Variants in MUC5B observed in about 807,000 individuals in gnomAD.
MUC5B encodes mucin-5B.
Under a neutral mutation model 376.9 loss-of-function variants are expected in MUC5B, and 116 were observed. The ratio of observed to expected loss-of-function variants is 0.31; its 90% CI spans 0.26 to 0.36. The LOEUF (loss-of-function observed/expected upper bound fraction) is 0.36, where lower values mean the gene tolerates loss of function less well. Ranked by LOEUF, MUC5B falls within the 10% of genes least tolerant of loss-of-function variation. MUC5B has a pLI of 1.00. For synonymous variants in MUC5B, 3,517 were observed against 3,390.9 expected (o/e 1.04, Z -1.29); for missense variants, 7,165 against 7,769.9 (o/e 0.92, Z 2.93).
chr11:1,247,455 A>T lies in MUC5B; in HGVS notation c.10575A>T (p.Pro3525=), dbSNP rs1249127444. 3 of 1,607,822 alleles carry T rather than the reference A, an allele frequency of 1.9e-6. No individual in the cohort carries two copies. The South Asian group carries it at 3.3e-5, about 18-fold the overall frequency. The change falls in exon 31 of 49, where the codon CCA becomes CCT. Residue 3525 remains proline (P), a synonymous_variant. Coordinates refer to ENST00000529681, the MANE Select transcript of MUC5B (RefSeq NM_002458.3). The part of the protein sequence containing the change: ...SSRTTESPPS[P]GTTTPGHTRG... ...GGACCACCGAGTCACCCCCTTCTCC[A>T]GGGACGACCACCCCGGGCCACACCA...
chr11:1,236,573 G>T lies in MUC5B; in HGVS notation c.3057+11G>T, dbSNP rs1010131545. On this transcript the variant is annotated intron_variant, in intron 24 of 48. Transcript: ENST00000529681. ...CACCAGGACTACAAGGTGAGCTCGG[G>T]CCGTGCACTCCTAGGCCCTGCAGGA... is the stretch of plus-strand genomic sequence containing the variant. 6.2e-7 allele frequency: 1 copy of T among 1,611,444 alleles called. No homozygotes were observed. The highest frequency in any genetic ancestry group is 1.7e-4 in the Middle Eastern group (1 of 6,044).
In MUC5B at chr11:1,230,020, G is replaced by T; in HGVS notation, c.1236G>T (p.Gly412=). 6.2e-7 allele frequency: 1 copy of T among 1,603,218 alleles called. No individual in the cohort carries two copies. The highest frequency in any genetic ancestry group is 1.7e-5 in the Admixed American group (1 of 58,990). ...CCCTCCCCAGCACCTGCTCCGGGGG[G>T]CTATGGCAGTGCCAGGACCTGCCGT... ...TTCSSCTCSG[G]LWQCQDLPCP... is the part of the protein sequence containing the mutation. Residue 412 remains glycine, a synonymous_variant, in exon 11 of 49, where the codon GGG becomes GGT. Coordinates refer to ENST00000529681, the MANE Select transcript of MUC5B (RefSeq NM_002458.3).
rs1330646600 is a variant in MUC5B at position 1,242,398 on chromosome 11, A to T, written c.5518A>T (p.Ile1840Phe). The T allele has an allele frequency of 1.2e-6, 2 of 1,613,888 alleles. No homozygotes were observed. The highest frequency in any genetic ancestry group is 3.3e-5 in the Admixed American group (2 of 60,014). The change falls in exon 31 of 49, where the codon ATC becomes TTC. Residue 1840 changes from isoleucine (I) to phenylalanine (F), a missense_variant. Around this residue, in one of 31 missense-constraint regions of MUC5B, gnomAD observed 897 missense variants for 779.6 expected, o/e 1.15. Coordinates refer to ENST00000529681, the MANE Select transcript of MUC5B (RefSeq NM_002458.3). ...CRAENYPEVS[I>F]DQVGQVLTCS... The stretch of plus-strand genomic sequence containing the variant: ...GGCGGAGAACTACCCCGAGGTAAGC[A>T]TCGACCAGGTCGGGCAGGTGCTGAC...
intron 39 of MUC5B, 124 bp downstream of exon 39, chr11:1,256,895 T>G (rs1331600552): frequency 1.3e-6 from 1 of 747,404 alleles, no homozygotes; most frequent in African/African-American, 1.8e-5. Context: ...CGTGACCTGT[T>G]CTGCCCCACC....
Position 1,248,582 on chromosome 11 carries a change from G to A in MUC5B, c.11702G>A (p.Gly3901Asp), listed in dbSNP as rs775291501. ...ISTTTTPTTSGSTVTPSSVPG... is the reference protein window; with the variant it reads ...ISTTTTPTTSDSTVTPSSVPG... ...ACAACCACCACACCCACAACCAGTG[G>A]CTCCACGGTGACCCCCTCCTCCGTC... Residue 3901 changes from glycine (G) to aspartate (D), a missense_variant, in exon 31 of 49, where the codon GGC becomes GAC. Gly to Asp is a moderately conservative substitution (Grantham distance 94). Coordinates refer to ENST00000529681, the MANE Select transcript of MUC5B (RefSeq NM_002458.3). 1.2e-6 allele frequency: 2 copies of A among 1,612,790 alleles called. No individual in the cohort carries two copies. The highest frequency in any genetic ancestry group is 1.7e-6 in the Non-Finnish European group (2 of 1,179,382).
At position 1,253,534 on chromosome 11, in the gene MUC5B, C is replaced by T. The variant is rs377066128; in HGVS notation, c.15217+554C>T. On this transcript the variant is annotated intron_variant, in intron 33 of 48. Coordinates refer to ENST00000529681, the MANE Select transcript of MUC5B (RefSeq NM_002458.3). This position sits in a 1 kb window ranked among gnomAD's most constrained non-coding sequence, Gnocchi z 4.3. Reference sequence around the variant, plus strand: ...ATGTCCTTGGCCCAGGGCTGCTGTTCCAAACCGCCACAAGCTGGGGAGCTT... The same window carrying T: ...ATGTCCTTGGCCCAGGGCTGCTGTTTCAAACCGCCACAAGCTGGGGAGCTT... Among the ~76,000 whole-genome samples the T allele has an allele frequency of 8.5e-5, 13 of 152,314 alleles. 1 individual carries two copies. Among genetic ancestry groups the T allele is most frequent in the Admixed American group, 7.2e-4 (11 of 15,312 alleles).
At chr11:1,252,611 C>A (rs139403034) in intron 32 of MUC5B, 87 bp downstream of exon 32, 3 of 1,409,570 alleles carry the variant, frequency 2.1e-6, no homozygotes, top group Non-Finnish European at 2.8e-6. Flanking sequence ...GCTCCCGAGG[C>A]CCGTCTCAGT....
intron 1 of MUC5B, among the ~76,000 whole-genome samples, chr11:1,224,470 G>A (rs184579431): frequency 1.4e-3 from 203 of 150,150 alleles, no homozygotes; most frequent in African/African-American, 4.6e-3. Context: ...GGCTGCCTGG[G>A]GGGGAGGGGT....
chr11:1,234,383 G>A lies in MUC5B; in HGVS notation c.2478+78G>A. Reference sequence around the variant, plus strand: ...CAGCTCCCGAGCCCAGGGATCTGGTGGTCCTGGAGACACTTACCCACCTGG... The same window carrying A: ...CAGCTCCCGAGCCCAGGGATCTGGTAGTCCTGGAGACACTTACCCACCTGG... On this transcript the variant is annotated intron_variant, in intron 20 of 48. Coordinates refer to ENST00000529681, the MANE Select transcript of MUC5B (RefSeq NM_002458.3). The surrounding 1 kb of genome is among the most constrained non-coding windows in gnomAD (Gnocchi z 6.3). The A allele has an allele frequency of 6.7e-7, 1 of 1,503,570 alleles. No homozygotes were observed. Among genetic ancestry groups the A allele is most frequent in the South Asian group, 1.2e-5 (1 of 82,160 alleles). The allele number at this position is 1,503,570 out of a possible 1,614,324, so 93.1% of individuals were successfully genotyped here. A position where few individuals can be genotyped will look rare whatever the true frequency, so the allele number is the denominator to read the frequency against.
At position 1,253,888 on chromosome 11, in the gene MUC5B, T is replaced by A. The variant is rs1862765327; in HGVS notation, c.15218-204T>A. Among the ~76,000 whole-genome samples, 1 of 152,224 alleles carries A rather than the reference T, an allele frequency of 6.6e-6. No homozygotes were observed. Among genetic ancestry groups the A allele is most frequent in the African/African-American group, 2.4e-5 (1 of 41,466 alleles). ...GACACTTTCTCCCGGCAAAGCCACA[T>A]GCGGAGGTTCTGGGATAGCCATAGA... On this transcript the variant is annotated intron_variant, in intron 33 of 48. Transcript: ENST00000529681. This position sits in a 1 kb window ranked among gnomAD's most constrained non-coding sequence, Gnocchi z 4.3.
chr11:1,255,331 A>G, intron 36 of MUC5B, 52 bp from the exon 37 acceptor site: 1 of 1,376,692 alleles, frequency 7.3e-7, no homozygotes, highest in Non-Finnish European at 9.8e-7. Context: ...GCACGCACGC[A>G]CGCAGCTCCC....
intron 18 of MUC5B, among the ~76,000 whole-genome samples, chr11:1,233,521 G>T (rs1157094021): frequency 3.3e-5 from 5 of 152,202 alleles, no homozygotes; most frequent in Non-Finnish European, 7.3e-5. Context: ...CCCCTGCCAG[G>T]AAAGGTGGGT....
chr11:1,251,803 C>T, intron 31 of MUC5B, 60 bp downstream of exon 31: 1 of 1,234,104 alleles, frequency 8.1e-7, no homozygotes, highest in Non-Finnish European at 1.1e-6. Flanking sequence ...CAACCTGGGT[C>T]TGCCTGTCCT....
chr11:1,259,431 T>A, intron 44 of MUC5B: 1 of 500,932 alleles, frequency 2.0e-6, no homozygotes, highest in Non-Finnish European at 3.6e-6. Context: ...CAGCCATTGC[T>A]GGGGTCTTGT....
intron 1 of MUC5B, among the ~76,000 whole-genome samples, chr11:1,224,887 CAG>C (rs1861847229): frequency 6.6e-6 from 1 of 152,254 alleles, no homozygotes; most frequent in Non-Finnish European, 1.5e-5. Context: ...CACCTCCCCA[CAG>C]AGAGTCTCAG....
Position 1,241,956 on chromosome 11 carries a change from C to A in MUC5B, c.5076C>A (p.Thr1692=). 2 of 1,604,646 alleles carry A rather than the reference C, an allele frequency of 1.2e-6. No individual in the cohort carries two copies. Among genetic ancestry groups the A allele is most frequent in the Non-Finnish European group, 1.7e-6 (2 of 1,175,964 alleles). ...EPTVPGVATS[T]LPTRSALPGT... ...CTGTCCCAGGGGTGGCCACATCCAC[C>A]CTTCCAACACGCTCAGCCCTTCCAG... Residue 1692 remains threonine (T), a synonymous_variant, in exon 31 of 49, where the codon ACC becomes ACA. Transcript: ENST00000529681.
Position 1,251,691 on chromosome 11 carries a change from C to T in MUC5B, c.14811C>T (p.Ser4937=). 9.3e-6 allele frequency: 15 copies of T among 1,612,482 alleles called. No homozygotes were observed. Among genetic ancestry groups the T allele is most frequent in the African/African-American group, 1.3e-5 (1 of 75,054 alleles). The change falls in exon 31 of 49, where the codon TCC becomes TCT. Residue 4937 remains serine, a synonymous_variant. Coordinates refer to ENST00000529681, the MANE Select transcript of MUC5B (RefSeq NM_002458.3). ...TGAGACCCACTGGCTTCCCCAGCTC[C>T]CACTTCTCTACTCCCTGCTTCTGCA... ...TTLRPTGFPS[S]HFSTPCFCRA...
At chr11:1,231,731 G>A (rs1166594892) in intron 14 of MUC5B, among the ~76,000 whole-genome samples, 171 bp downstream of exon 14, 2 of 152,216 alleles carry the variant, frequency 1.3e-5, no homozygotes, top group African/African-American at 2.4e-5. Context: ...TTGGACCAGC[G>A]GCCCCGGAAG....
intron 18 of MUC5B, 91 bp downstream of exon 18, chr11:1,233,359 T>C (rs1414457358): frequency 1.5e-6 from 2 of 1,379,152 alleles, no homozygotes; most frequent in Non-Finnish European, 1.9e-6. Flanking sequence ...CCCCCGAGGG[T>C]TCTGAGACAT....
Sources: allele counts gnomAD v4.1 joint callset (sites outside exome capture counted in the v4.1 genomes callset), GRCh38; gene constraint gnomAD v4.1.1; regional missense constraint gnomAD v4.1.1; non-coding constraint Gnocchi (gnomAD v3.1); transcripts MANE v1.5; gene names NCBI Gene and HGNC (gene_info 2026-07-23, HGNC 2026-07-21).